PCDHGA3: variants seen among roughly 807,000 people sequenced by gnomAD.
The protein encoded by PCDHGA3 is protocadherin gamma subfamily A, 3.
A neutral mutation model predicts 58.5 loss-of-function variants in PCDHGA3; 40 were observed. The observed-to-expected ratio is 0.68, with a 90% CI of 0.53 to 0.89. PCDHGA3 has a LOEUF of 0.89. Ranked by LOEUF, PCDHGA3 falls within the 40% of genes least tolerant of loss-of-function variation. PCDHGA3 has a pLI of 0.00. For missense variants in PCDHGA3, 1,223 were observed against 1,195.9 expected (o/e 1.02, Z -0.33); for synonymous variants, 530 against 525.7 (o/e 1.01, Z -0.11).
chr5:141,387,721 C>A, intron 1 of PCDHGA3: 2 of 1,151,790 alleles, frequency 1.7e-6, no homozygotes, highest in Non-Finnish European at 2.4e-6. Context: ...CTCAGACTCC[C>A]CAGCGCCAGC....
chr5:141,434,650 C>A (rs931043426), intron 1 of PCDHGA3, among the ~76,000 whole-genome samples: 6 of 152,092 alleles, frequency 3.9e-5, no homozygotes, highest in Non-Finnish European at 5.9e-5. Context: ...TTTAGTTAAT[C>A]TAATATCTAT....
In PCDHGA3 at chr5:141,413,486, C is replaced by T. The variant is rs756751796; in HGVS notation, c.2424+67029C>T. On this transcript the variant is annotated intron_variant, in intron 1 of 3. Transcript: ENST00000253812. Reference sequence around the variant, plus strand: ...CGGGAGGAGCTCTGCGCTCAGAGCGCGCGGTGCGTGGTGAGTTTTAATATC... The same window carrying T: ...CGGGAGGAGCTCTGCGCTCAGAGCGTGCGGTGCGTGGTGAGTTTTAATATC... 5.0e-6 allele frequency: 8 copies of T among 1,613,914 alleles called. No homozygotes were observed. The African/African-American group carries it at 9.3e-5, about 19-fold the overall frequency.
In PCDHGA3 at chr5:141,351,619, T is replaced by C. The variant is rs200864490; in HGVS notation, c.2424+5162T>C. 1,007 of 1,614,032 alleles carry C rather than the reference T, an allele frequency of 6.2e-4. 7 individuals carry two copies. The South Asian group carries it at 7.4e-3, about 12-fold the overall frequency. ...CACCTGTTTTCCATCAGGCCTCCTA[T>C]GTGGTCCACGTGTCTGAGAACAACC... On this transcript the variant is annotated intron_variant, in intron 1 of 3. Transcript: ENST00000253812.
At chr5:141,460,993 A>T (rs1230217075) in intron 1 of PCDHGA3, among the ~76,000 whole-genome samples, 1 of 143,898 alleles carries the variant, frequency 6.9e-6, no homozygotes, top group South Asian at 2.2e-4. Flanking sequence ...GTATATATAT[A>T]TATGTGTATA....
At chr5:141,474,847 GC>G (rs1357496937) in intron 1 of PCDHGA3, among the ~76,000 whole-genome samples, 1 of 152,198 alleles carries the variant, frequency 6.6e-6, no homozygotes, top group East Asian at 1.9e-4. Context: ...CACTTTACCT[GC>G]CTTCTTCATT....
intron 1 of PCDHGA3, chr5:141,366,436 C>G: frequency 1.9e-6 from 3 of 1,614,194 alleles, no homozygotes; most frequent in Non-Finnish European, 2.5e-6. Flanking sequence ...CAGTCTCCTG[C>G]GTCTTCCTGG....
chr5:141,413,176 A>G lies in PCDHGA3; in HGVS notation c.2424+66719A>G, dbSNP rs758582296. 252 of 1,601,774 alleles carry G rather than the reference A, an allele frequency of 1.6e-4. 1 individual carries two copies. Among genetic ancestry groups the G allele is most frequent in the Non-Finnish European group, 2.1e-4 (243 of 1,173,006 alleles). Reference sequence around the variant, plus strand: ...TGCAGAATTCTGTAACCAGACTACAATGGCCGCTCAAAGGAATCGCTCAAA... The same window carrying G: ...TGCAGAATTCTGTAACCAGACTACAGTGGCCGCTCAAAGGAATCGCTCAAA... On this transcript the variant is annotated intron_variant, in intron 1 of 3. Coordinates refer to ENST00000253812, the MANE Select transcript of PCDHGA3 (RefSeq NM_018916.4).
At chr5:141,362,368 G>A (rs751597172) in intron 1 of PCDHGA3, 1 of 1,613,950 alleles carries the variant, frequency 6.2e-7, no homozygotes, top group Non-Finnish European at 8.5e-7. Context: ...CAATTACAGT[G>A]AGGGTACATT....
chr5:141,470,718 G>A (rs916720866), intron 1 of PCDHGA3, among the ~76,000 whole-genome samples: 2 of 152,022 alleles, frequency 1.3e-5, no homozygotes, highest in Non-Finnish European at 2.9e-5. Flanking sequence ...ATTTTTTTGA[G>A]TCAGGGTCTT....
chr5:141,421,455 C>A (rs762490406), intron 1 of PCDHGA3: 1 of 1,614,108 alleles, frequency 6.2e-7, no homozygotes, highest in South Asian at 1.1e-5. Flanking sequence ...CACAGCTTTT[C>A]GCTGTGAATC....
Position 141,375,767 on chromosome 5 carries a change from A to T in PCDHGA3, c.2424+29310A>T, listed in dbSNP as rs190439419. ...GGACCAGAATGACAATGCGCCCGAGATCCTGTACCCCGCCCTCCCCACAGA... is the reference window on the plus strand; with the variant it reads ...GGACCAGAATGACAATGCGCCCGAGTTCCTGTACCCCGCCCTCCCCACAGA... On this transcript the variant is annotated intron_variant, in intron 1 of 3. Transcript: ENST00000253812. 3.1e-4 allele frequency: 496 copies of T among 1,614,182 alleles called. 1 individual carries two copies. The highest frequency in any genetic ancestry group is 3.8e-4 in the Non-Finnish European group (444 of 1,180,008).
At chr5:141,403,209 C>T (rs1247618991) in intron 1 of PCDHGA3, 2 of 1,613,982 alleles carry the variant, frequency 1.2e-6, no homozygotes, top group Admixed American at 1.7e-5. Context: ...ACCTTGGTCA[C>T]CGCGGGTAGG....
intron 1 of PCDHGA3, chr5:141,420,165 C>T: frequency 6.2e-7 from 1 of 1,614,022 alleles, no homozygotes; most frequent in South Asian, 1.1e-5. Flanking sequence ...AATTTTTTCA[C>T]ATCTGTTGAT....
At chr5:141,438,571 T>TATAC (rs1212381177) in intron 1 of PCDHGA3, among the ~76,000 whole-genome samples, 15 of 94,542 alleles carry the variant, frequency 1.6e-4, no homozygotes, top group South Asian at 1.0e-3. Flanking sequence ...AGCTGTCTGA[T>TATAC]ATACATACAT....
chr5:141,382,569 T>G (rs72790022), intron 1 of PCDHGA3, among the ~76,000 whole-genome samples: 9,817 of 152,272 alleles, frequency 0.064, 368 homozygotes, highest in African/African-American at 0.1. Flanking sequence ...CAAAGAAATC[T>G]AACAGGGAAA....
chr5:141,383,662 G>A (rs780831620), intron 1 of PCDHGA3: 10 of 1,614,042 alleles, frequency 6.2e-6, no homozygotes, highest in South Asian at 1.1e-5. Flanking sequence ...CCCCGAGAAT[G>A]TGCCAGTGGG....
In PCDHGA3 at chr5:141,430,720, T is replaced by C. The variant is rs369549088; in HGVS notation, c.2425-64087T>C. On this transcript the variant is annotated intron_variant, in intron 1 of 3. Transcript: ENST00000253812. ...AAGGAACTGCTCCTGACTTCAGTGG[T>C]TAAGGGCAGAATTGAAAATAATTCT... The C allele has an allele frequency of 4.9e-4, 734 of 1,486,386 alleles. 1 individual carries two copies. Among genetic ancestry groups the C allele is most frequent in the Middle Eastern group, 9.1e-4 (5 of 5,506 alleles). The allele number at this position is 1,486,386 out of a possible 1,614,324, so 92.1% of individuals were successfully genotyped here.
rs768342539 is a variant in PCDHGA3, at chr5:141,356,087, C to A, written c.2424+9630C>A. On this transcript the variant is annotated intron_variant, in intron 1 of 3. Coordinates refer to ENST00000253812, the MANE Select transcript of PCDHGA3 (RefSeq NM_018916.4). Reference sequence around the variant, plus strand: ...ATATCACAGCTATTTCAGTTGAATTCTCTGAGTGGGGATATAACAATATTG... The same window carrying A: ...ATATCACAGCTATTTCAGTTGAATTATCTGAGTGGGGATATAACAATATTG... 3.7e-6 allele frequency: 6 copies of A among 1,613,760 alleles called. No individual in the cohort carries two copies. The East Asian group carries it at 8.9e-5, about 24-fold the overall frequency.
rs370532251 is a variant in PCDHGA3, at chr5:141,346,360, C to T, written c.2327C>T (p.Ala776Val). Residue 776 changes from alanine (A) to valine (V), a missense_variant, in exon 1 of 4, where the codon GCG becomes GTG. Physicochemically the swap from Ala to Val is moderately conservative, Grantham distance 64 (BLOSUM62 0). Transcript: ENST00000253812. ...CTGATTTTCCCCCAGCCCAACTATG[C>T]GGACACGCTCATCAGCCAGGAGAGC... ...SHLIFPQPNY[A>V]DTLISQESCE... 14 of 1,614,110 alleles carry T rather than the reference C, an allele frequency of 8.7e-6. No individual in the cohort carries two copies. Among genetic ancestry groups the T allele is most frequent in the Non-Finnish European group, 1.1e-5 (13 of 1,180,044 alleles).
Sources: gnomAD v4.1 joint callset for allele counts (sites outside exome capture counted in the v4.1 genomes callset) on GRCh38, gnomAD v4.1.1 for gene constraint, MANE v1.5 for transcripts, NCBI Gene and HGNC (gene_info 2026-07-23, HGNC 2026-07-21) for gene names.